CCBE1: variants seen among roughly 807,000 people sequenced by gnomAD.
CCBE1 encodes the protein collagen and calcium binding EGF domains 1, also known as collagen and calcium-binding EGF domain-containing protein 1.
A neutral mutation model predicts 50.0 loss-of-function variants in CCBE1; 37 were observed. That is an observed-to-expected ratio of 0.74 (90% CI 0.57 to 0.97). CCBE1 has a LOEUF of 0.97. Among genes scored for constraint, CCBE1 ranks in the 50% least tolerant of loss-of-function variants. The pLI is 0.00. For missense variants in CCBE1, 538 were observed against 523.8 expected (o/e 1.03, Z -0.26); for synonymous variants, 234 against 203.7 (o/e 1.15, Z -1.27).
chr18:59,572,104 T>C (rs1408651545), intron 2 of CCBE1, among the ~76,000 whole-genome samples: 1 of 152,232 alleles, frequency 6.6e-6, no homozygotes, highest in East Asian at 1.9e-4. Context: ...GAAAAGAATT[T>C]TTTTACTTGA....
At chr18:59,620,098 G>A (rs996519054) in intron 2 of CCBE1, among the ~76,000 whole-genome samples, 3 of 152,198 alleles carry the variant, frequency 2.0e-5, no homozygotes, top group African/African-American at 7.2e-5. Context: ...AGGAGGGAGA[G>A]AGGGGAGAAG....
intron 2 of CCBE1, among the ~76,000 whole-genome samples, chr18:59,570,008 A>G (rs757340993): frequency 5.3e-5 from 8 of 152,228 alleles, no homozygotes; most frequent in Admixed American, 1.3e-4. Flanking sequence ...ATTCTTAAAC[A>G]GAATATCAAA....
At chr18:59,595,082 A>C (rs1395518099) in intron 2 of CCBE1, among the ~76,000 whole-genome samples, 3 of 149,104 alleles carry the variant, frequency 2.0e-5, no homozygotes, top group African/African-American at 7.6e-5. Flanking sequence ...ACTAAACTCC[A>C]TCCAGCCTGG....
intron 2 of CCBE1, among the ~76,000 whole-genome samples, chr18:59,497,920 T>C (rs978870206): frequency 1.3e-5 from 2 of 152,340 alleles, no homozygotes; most frequent in African/African-American, 4.8e-5. Flanking sequence ...TTACAAATCC[T>C]GTCCAGGGCT....
At chr18:59,639,451 C>T (rs2144641962) in intron 2 of CCBE1, among the ~76,000 whole-genome samples, 1 of 152,284 alleles carries the variant, frequency 6.6e-6, no homozygotes, top group African/African-American at 2.4e-5. Context: ...AATGCCCCTT[C>T]ATGTTAAAAA....
rs564389379 is a variant in CCBE1 at position 59,664,139 on chromosome 18, C to A, written c.212+32490G>T. 9.9e-5 allele frequency among the ~76,000 whole-genome samples: 15 copies of A among 152,192 alleles called. No individual in the cohort carries two copies. The South Asian group carries it at 2.5e-3, about 25-fold the overall frequency. On this transcript the variant is annotated intron_variant, in intron 2 of 10. Transcript: ENST00000439986. ...CCCAGGTTGTGGGCTGCTGAGTTCT[C>A]GTTATATCTTCACACGGAAGGACAA...
intron 10 of CCBE1, among the ~76,000 whole-genome samples, chr18:59,436,476 G>A (rs535500782): frequency 6.6e-5 from 10 of 152,320 alleles, no homozygotes; most frequent in Admixed American, 4.6e-4. Context: ...CAGTGGTTAA[G>A]AGACTGGGGT....
chr18:59,564,459 A>G (rs970857652), intron 2 of CCBE1, among the ~76,000 whole-genome samples: 2 of 152,272 alleles, frequency 1.3e-5, no homozygotes, highest in African/African-American at 4.8e-5. Context: ...TTATTTCATC[A>G]TATGACTAGA....
At chr18:59,600,989 T>C (rs1308125805) in intron 2 of CCBE1, among the ~76,000 whole-genome samples, 1 of 149,870 alleles carries the variant, frequency 6.7e-6, no homozygotes, top group African/African-American at 2.4e-5. Flanking sequence ...GATAGGGATC[T>C]ATTTTATTAG....
rs572163288 is a variant in CCBE1 at position 59,437,409 on chromosome 18, T to C, written c.987+702A>G. Among the ~76,000 whole-genome samples the C allele has an allele frequency of 2.6e-5, 4 of 152,282 alleles. No homozygotes were observed. In the East Asian group the frequency reaches 7.7e-4, roughly 29 times the overall value. On this transcript the variant is annotated intron_variant, in intron 10 of 10. Transcript: ENST00000439986. ...AGGGATGGCAGGTCAGATTCCACTATCGCCACTGCACAGTGGGGGGCAAGA... is the reference window on the plus strand; with the variant it reads ...AGGGATGGCAGGTCAGATTCCACTACCGCCACTGCACAGTGGGGGGCAAGA...
chr18:59,651,706 T>C (rs1446432083), intron 2 of CCBE1, among the ~76,000 whole-genome samples: 1 of 152,178 alleles, frequency 6.6e-6, no homozygotes, highest in Admixed American at 6.5e-5. Flanking sequence ...ACAAATAAAG[T>C]AGAACTAGTG....
intron 2 of CCBE1, among the ~76,000 whole-genome samples, chr18:59,639,459 A>C (rs1047113051): frequency 1.3e-5 from 2 of 152,240 alleles, no homozygotes; most frequent in African/African-American, 4.8e-5. Flanking sequence ...TTCATGTTAA[A>C]AAATCAACAA....
intron 6 of CCBE1, among the ~76,000 whole-genome samples, chr18:59,450,691 C>T (rs1483501452): frequency 1.3e-5 from 2 of 152,196 alleles, no homozygotes; most frequent in East Asian, 3.8e-4. Flanking sequence ...CCCGCCACCA[C>T]ACCCAACTAA....
intron 2 of CCBE1, among the ~76,000 whole-genome samples, chr18:59,637,483 G>C (rs1245443948): frequency 6.6e-6 from 1 of 151,906 alleles, no homozygotes; most frequent in Admixed American, 6.6e-5. Flanking sequence ...ACCCCAGAAG[G>C]ACAGATAAAA....
chr18:59,562,261 A>G (rs2052750072), intron 2 of CCBE1, among the ~76,000 whole-genome samples: 1 of 152,186 alleles, frequency 6.6e-6, no homozygotes, highest in Non-Finnish European at 1.5e-5. Flanking sequence ...TGAACACCTG[A>G]CCCACAGAAA....
intron 2 of CCBE1, among the ~76,000 whole-genome samples, chr18:59,538,431 G>A (rs1250996661): frequency 3.3e-5 from 5 of 152,344 alleles, no homozygotes; most frequent in East Asian, 1.9e-4. Flanking sequence ...GCAATGCCAA[G>A]AAGCAAATCA....
intron 5 of CCBE1, among the ~76,000 whole-genome samples, chr18:59,456,101 G>A (rs1180228000): frequency 2.0e-5 from 3 of 152,068 alleles, no homozygotes; most frequent in African/African-American, 4.8e-5. Flanking sequence ...CTCTACCCAC[G>A]GAAGTCTGAA....
intron 2 of CCBE1, among the ~76,000 whole-genome samples, chr18:59,532,086 G>C (rs768707840): frequency 2.0e-5 from 3 of 151,650 alleles, no homozygotes; most frequent in African/African-American, 7.3e-5. Context: ...TTTTTTTTGA[G>C]ACACAGTCTC....
rs1233784355 is a variant in CCBE1, at chr18:59,432,974, TC to T, written c.*2933del. ...TTGTGTGTTTTTTTTTAAACATTCATCCATCCACACCCTTTAAATACCATGC... is the reference window on the plus strand; with the variant it reads ...TTGTGTGTTTTTTTTTAAACATTCATCATCCACACCCTTTAAATACCATGC... On this transcript the variant is annotated 3_prime_UTR_variant, in exon 11 of 11. Transcript: ENST00000439986. 6.6e-6 allele frequency: 1 copy of T among 151,740 alleles called. No individual in the cohort carries two copies. Among genetic ancestry groups the T allele is most frequent in the Non-Finnish European group, 1.5e-5 (1 of 67,952 alleles). 9.4% of individuals were successfully genotyped at this position (151,740 alleles called of 1,614,324 possible).
Sources: gnomAD v4.1 joint callset for allele counts (sites outside exome capture counted in the v4.1 genomes callset) on GRCh38, gnomAD v4.1.1 for gene constraint, MANE v1.5 for transcripts, NCBI Gene and HGNC (gene_info 2026-07-23, HGNC 2026-07-21) for gene names.